OXR1: variants seen among roughly 807,000 people sequenced by gnomAD.
OXR1 encodes the protein oxidation resistance protein 1.
Under a neutral mutation model 104.6 loss-of-function variants are expected in OXR1, and 41 were observed. That is an observed-to-expected ratio of 0.39 (90% CI 0.31 to 0.51). OXR1 has a LOEUF of 0.51. Ranked by LOEUF, OXR1 falls within the 20% of genes least tolerant of loss-of-function variation. The pLI is 0.77. For synonymous variants in OXR1, 348 were observed against 348.4 expected (o/e 1.00, Z 0.01); for missense variants, 955 against 1,031.9 (o/e 0.93, Z 1.02).
At chr8:106,442,492 A>G (rs902104456) in intron 2 of OXR1, among the ~76,000 whole-genome samples, 5 of 152,134 alleles carry the variant, frequency 3.3e-5, no homozygotes, top group Non-Finnish European at 5.9e-5. Context: ...AAGGAATGGT[A>G]CCAGCTCCTC....
At chr8:106,380,544 A>G (rs1817100767) in intron 2 of OXR1, among the ~76,000 whole-genome samples, 1 of 152,164 alleles carries the variant, frequency 6.6e-6, no homozygotes, top group South Asian at 2.1e-4. Context: ...AGGAACTTCC[A>G]ATCTATTTTA....
At chr8:106,727,836 T>C (rs1833500005) in intron 11 of OXR1, among the ~76,000 whole-genome samples, 1 of 152,210 alleles carries the variant, frequency 6.6e-6, no homozygotes, top group Non-Finnish European at 1.5e-5. Flanking sequence ...ATATGTTATT[T>C]AATTGAACCC....
chr8:106,472,748 T>C (rs1415344571), intron 2 of OXR1, among the ~76,000 whole-genome samples: 3 of 151,958 alleles, frequency 2.0e-5, no homozygotes, highest in African/African-American at 7.2e-5. Context: ...TTGCCCTCCA[T>C]GTAAATATCA....
chr8:106,625,461 T>C (rs1353569921), intron 3 of OXR1, among the ~76,000 whole-genome samples: 1 of 152,180 alleles, frequency 6.6e-6, no homozygotes, highest in African/African-American at 2.4e-5. Flanking sequence ...ATTGCTGCAA[T>C]GAATGAAAAA....
At chr8:106,556,671 A>G (rs926419665) in intron 3 of OXR1, among the ~76,000 whole-genome samples, 2 of 152,226 alleles carry the variant, frequency 1.3e-5, no homozygotes, top group African/African-American at 4.8e-5. Flanking sequence ...TTAAGAATCA[A>G]AAGGCAAAAA....
intron 2 of OXR1, among the ~76,000 whole-genome samples, chr8:106,402,320 G>C (rs1029660879): frequency 6.6e-6 from 1 of 152,116 alleles, no homozygotes; most frequent in African/African-American, 2.4e-5. Flanking sequence ...TATTGCCATT[G>C]GTTTACTAGT....
intron 2 of OXR1, among the ~76,000 whole-genome samples, chr8:106,462,893 C>T (rs1248409863): frequency 1.3e-5 from 2 of 152,058 alleles, no homozygotes; most frequent in Non-Finnish European, 2.9e-5. Flanking sequence ...TTCTGTAGTT[C>T]AGTAATAGTA....
Position 106,710,806 on chromosome 8 carries a change from G to A in OXR1, c.1793+16G>A, listed in dbSNP as rs200876126. The A allele has an allele frequency of 1.3e-4, 185 of 1,431,760 alleles. No homozygotes were observed. In the African/African-American group the frequency reaches 1.4e-3, roughly 11 times the overall value. The allele number at this position is 1,431,760 out of a possible 1,614,324, so 88.7% of individuals were successfully genotyped here. A position where few individuals can be genotyped will look rare whatever the true frequency, so the allele number is the denominator to read the frequency against. The stretch of plus-strand genomic sequence containing the variant: ...CACAAGAAAGGTAAAAAACCCATAC[G>A]ACACCTTGAGAGCATTATTGAGATT... On this transcript the variant is annotated intron_variant, in intron 10 of 16. Coordinates refer to ENST00000517566, the MANE Select transcript of OXR1 (RefSeq NM_001198533.2).
chr8:106,427,531 G>T (rs1308763042), intron 2 of OXR1, among the ~76,000 whole-genome samples: 1 of 152,126 alleles, frequency 6.6e-6, no homozygotes, highest in Non-Finnish European at 1.5e-5. Context: ...ACTGTACATT[G>T]TCGTCACTGT....
At position 106,346,322 on chromosome 8, in the gene OXR1, A is replaced by G. The variant is rs141815237; in HGVS notation, c.-138-13154A>G. ...TAAACTAAAACCTCTCTACTTGTGTAAATCTGAACAGCCGGGACTATTAAA... is the reference window on the plus strand; with the variant it reads ...TAAACTAAAACCTCTCTACTTGTGTGAATCTGAACAGCCGGGACTATTAAA... On this transcript the variant is annotated intron_variant, in intron 1 of 16. Transcript: ENST00000517566. 9.9e-3 allele frequency among the ~76,000 whole-genome samples: 1,514 copies of G among 152,280 alleles called. 23 individuals carry two copies. Among genetic ancestry groups the G allele is most frequent in the African/African-American group, 0.034 (1,404 of 41,558 alleles).
At chr8:106,501,721 G>C (rs1208239367) in intron 2 of OXR1, among the ~76,000 whole-genome samples, 1 of 152,210 alleles carries the variant, frequency 6.6e-6, no homozygotes, top group Non-Finnish European at 1.5e-5. Flanking sequence ...CAAATGGGAA[G>C]GATGGTGTAC....
chr8:106,362,694 C>G (rs7015094), intron 2 of OXR1, among the ~76,000 whole-genome samples: 55,418 of 151,960 alleles, frequency 0.36, 10,328 homozygotes, highest in African/African-American at 0.44. Context: ...AGTTGATGCT[C>G]GTTGAAATAG....
chr8:106,467,959 G>A (rs1821265923), intron 2 of OXR1, among the ~76,000 whole-genome samples: 1 of 151,836 alleles, frequency 6.6e-6, no homozygotes. Context: ...TTAGGTTAAA[G>A]TATGAGGGAA....
At position 106,474,716 on chromosome 8, in the gene OXR1, C is replaced by T. The variant is rs549057900; in HGVS notation, c.24-44227C>T. Among the ~76,000 whole-genome samples, 3 of 152,004 alleles carry T rather than the reference C, an allele frequency of 2.0e-5. No individual in the cohort carries two copies. In the East Asian group the frequency reaches 5.9e-4, roughly 30 times the overall value. Reference sequence around the variant, plus strand: ...GACAGAGACCCCATGGTCTGCAAAGCTGAAAATATTTACTATCTATCCCTT... The same window carrying T: ...GACAGAGACCCCATGGTCTGCAAAGTTGAAAATATTTACTATCTATCCCTT... On this transcript the variant is annotated intron_variant, in intron 2 of 16. Transcript: ENST00000517566.
At chr8:106,564,609 G>C (rs550730473) in intron 3 of OXR1, among the ~76,000 whole-genome samples, 1 of 152,258 alleles carries the variant, frequency 6.6e-6, no homozygotes, top group African/African-American at 2.4e-5. Flanking sequence ...TAGAAAAAGA[G>C]GGACTCCTCC....
intron 3 of OXR1, among the ~76,000 whole-genome samples, chr8:106,611,701 A>G (rs1820824004): frequency 6.6e-6 from 1 of 152,146 alleles, no homozygotes; most frequent in African/African-American, 2.4e-5. Flanking sequence ...ACCCCCATTC[A>G]TTCCTAACTG....
intron 1 of OXR1, among the ~76,000 whole-genome samples, chr8:106,318,569 C>T (rs1055321714): frequency 6.6e-6 from 1 of 152,218 alleles, no homozygotes; most frequent in Non-Finnish European, 1.5e-5. Context: ...GAAATACCCT[C>T]TTAACACTTC....
intron 3 of OXR1, among the ~76,000 whole-genome samples, chr8:106,535,002 G>A (rs1371919543): frequency 1.3e-5 from 2 of 151,910 alleles, no homozygotes; most frequent in South Asian, 2.1e-4. Flanking sequence ...TCGCTCTGTC[G>A]CCCAGGCTGG....
intron 2 of OXR1, among the ~76,000 whole-genome samples, chr8:106,476,605 A>T (rs1318215121): frequency 6.6e-6 from 1 of 151,798 alleles, no homozygotes. Context: ...CCCCCAGAAT[A>T]GGGCACTTTC....
Sources: allele counts gnomAD v4.1 joint callset (sites outside exome capture counted in the v4.1 genomes callset), GRCh38; gene constraint gnomAD v4.1.1; transcripts MANE v1.5; gene names NCBI Gene and HGNC (gene_info 2026-07-23, HGNC 2026-07-21).